Variants in DAB1 observed in about 807,000 individuals in gnomAD.
DAB1 encodes DAB adaptor protein 1, also known as disabled homolog 1.
A neutral mutation model predicts 64.6 loss-of-function variants in DAB1; 15 were observed. That is an observed-to-expected ratio of 0.23 (90% CI 0.16 to 0.36). DAB1 has a LOEUF of 0.36. Among genes scored for constraint, DAB1 ranks in the 10% least tolerant of loss-of-function variants. The probability of loss-of-function intolerance (pLI) is 1.00; values close to 1 mark genes in which losing one functional copy is unlikely to be tolerated. For missense variants in DAB1, 596 were observed against 706.7 expected (o/e 0.84, Z 1.78); for synonymous variants, 235 against 251.9 (o/e 0.93, Z 0.64).
intron 1 of DAB1, among the ~76,000 whole-genome samples, chr1:57,346,833 T>C (rs976972519): frequency 4.0e-4 from 61 of 152,206 alleles, no homozygotes; most frequent in African/African-American, 1.4e-3. Flanking sequence ...CATTACTCCA[T>C]ACTATCTGAA....
chr1:58,055,848 T>A (rs12040057), intron 5 of DAB1, among the ~76,000 whole-genome samples: 13,158 of 151,848 alleles, frequency 0.087, 813 homozygotes, highest in East Asian at 0.16. Context: ...GCCTCCCAAG[T>A]AACTGGAAAC....
chr1:57,735,492 T>A (rs1647640584), intron 6 of DAB1, among the ~76,000 whole-genome samples: 1 of 151,864 alleles, frequency 6.6e-6, no homozygotes, highest in Non-Finnish European at 1.5e-5. Context: ...GCAGCTAGGA[T>A]GAAAACCAAG....
At chr1:58,372,433 TTTTA>T (rs1644273294) in intron 3 of DAB1, among the ~76,000 whole-genome samples, 1 of 152,192 alleles carries the variant, frequency 6.6e-6, no homozygotes, top group Non-Finnish European at 1.5e-5. Flanking sequence ...TTGCTTTTGA[TTTTA>T]CAGGCTCAGA....
chr1:57,559,242 T>A (rs2204378), intron 7 of DAB1, among the ~76,000 whole-genome samples: 133,397 of 152,166 alleles, frequency 0.88, 60,109 homozygotes, highest in East Asian at 1. Flanking sequence ...TCTACTTAAT[T>A]TATATAAGCA....
intron 6 of DAB1, among the ~76,000 whole-genome samples, chr1:57,654,545 C>T (rs1338249772): frequency 6.6e-6 from 1 of 152,158 alleles, no homozygotes; most frequent in Non-Finnish European, 1.5e-5. Flanking sequence ...AATACCAACT[C>T]TTATGTGGGT....
chr1:57,175,908 T>C (rs1662265707), intron 2 of DAB1, among the ~76,000 whole-genome samples: 2 of 152,166 alleles, frequency 1.3e-5, no homozygotes, highest in East Asian at 1.9e-4. Flanking sequence ...TCCCGTTTGA[T>C]TTTTTCTCTC....
intron 4 of DAB1, among the ~76,000 whole-genome samples, chr1:58,316,537 G>T (rs1662562181): frequency 2.6e-5 from 4 of 152,116 alleles, no homozygotes; most frequent in Admixed American, 2.6e-4. Flanking sequence ...GGGCAGGCAA[G>T]ACCACCAGGA....
At chr1:57,818,611 T>C (rs143005210) in intron 6 of DAB1, among the ~76,000 whole-genome samples, 6 of 152,180 alleles carry the variant, frequency 3.9e-5, no homozygotes, top group African/African-American at 1.2e-4. Flanking sequence ...ATTTAATGCT[T>C]GTGAAACCCT....
At chr1:57,497,753 G>A (rs1017300636) in intron 7 of DAB1, among the ~76,000 whole-genome samples, 1 of 152,198 alleles carries the variant, frequency 6.6e-6, no homozygotes, top group Non-Finnish European at 1.5e-5. Context: ...TCATATGGAT[G>A]GAGGAATAGA....
rs532178716 is a variant in DAB1 at position 57,844,266 on chromosome 1, T to C, written n.88-17811A>G. On this transcript the variant is annotated intron_variant and non_coding_transcript_variant, in intron 1 of 1. Transcript: ENST00000477280. Reference sequence around the variant, plus strand: ...TGTATCTGTTTCCCTTAGTATATTATGATGGGTTGCAGGACAGCAGCCCTG... The same window carrying C: ...TGTATCTGTTTCCCTTAGTATATTACGATGGGTTGCAGGACAGCAGCCCTG... Among the ~76,000 whole-genome samples the C allele has an allele frequency of 2.6e-5, 4 of 152,360 alleles. No homozygotes were observed. In the South Asian group the frequency reaches 8.3e-4, roughly 32 times the overall value.
chr1:57,802,363 G>A (rs1205153527), intron 6 of DAB1, among the ~76,000 whole-genome samples: 1 of 152,130 alleles, frequency 6.6e-6, no homozygotes, highest in Non-Finnish European at 1.5e-5. Flanking sequence ...TGAGTTCTCT[G>A]GAGGAAGATG....
rs573191411 is a variant in DAB1, at chr1:57,040,328, G to GTGC, written c.724-14288_724-14286dup. 1.2e-3 allele frequency among the ~76,000 whole-genome samples: 178 copies of GTGC among 152,256 alleles called. 2 individuals carry two copies. In the South Asian group the frequency reaches 0.035, roughly 30 times the overall value. Reference sequence around the variant, plus strand: ...CAGAGATGATGATATAGCGCTCTCTGTGCTGTGTCATCATCATGATAGCCA... The same window carrying GTGC: ...CAGAGATGATGATATAGCGCTCTCTGTGCTGCTGTGTCATCATCATGATAGCCA... On this transcript the variant is annotated intron_variant, in intron 9 of 14. Transcript: ENST00000371236.
chr1:57,056,779 G>A (rs1391826000), intron 9 of DAB1, among the ~76,000 whole-genome samples: 3 of 151,950 alleles, frequency 2.0e-5, no homozygotes, highest in South Asian at 2.1e-4. Context: ...TGGGAGAATC[G>A]CTTGAACCCA....
chr1:58,518,102 CT>C (rs1365246776), intron 2 of DAB1, among the ~76,000 whole-genome samples: 2 of 150,364 alleles, frequency 1.3e-5, no homozygotes, highest in Non-Finnish European at 3.0e-5. Context: ...AGGAGAATCG[CT>C]TGAACACAGG....
chr1:57,340,136 G>A (rs1677452958), intron 1 of DAB1, among the ~76,000 whole-genome samples: 1 of 152,122 alleles, frequency 6.6e-6, no homozygotes, highest in Non-Finnish European at 1.5e-5. Context: ...CATTACGGCA[G>A]GCTTACCCTC....
chr1:58,488,826 T>C (rs1024090445), intron 3 of DAB1, among the ~76,000 whole-genome samples: 1 of 152,276 alleles, frequency 6.6e-6, no homozygotes, highest in Non-Finnish European at 1.5e-5. Context: ...ATACGTCTTA[T>C]GCCTTTGCAT....
At chr1:58,511,687 C>T (rs1329543529) in intron 2 of DAB1, among the ~76,000 whole-genome samples, 1 of 151,980 alleles carries the variant, frequency 6.6e-6, no homozygotes, top group Non-Finnish European at 1.5e-5. Context: ...GTCTCTTCAA[C>T]AAATGGTGCT....
intron 9 of DAB1, among the ~76,000 whole-genome samples, chr1:57,029,410 T>C (rs561633920): frequency 6.6e-6 from 1 of 152,142 alleles, no homozygotes; most frequent in East Asian, 1.9e-4. Context: ...GGAAGGGAAA[T>C]GTGTGGTCAG....
intron 5 of DAB1, among the ~76,000 whole-genome samples, chr1:58,009,071 A>G (rs1570218256): frequency 6.6e-6 from 1 of 152,188 alleles, no homozygotes; most frequent in Admixed American, 6.5e-5. Context: ...ATGTGCATAC[A>G]CACCTACTAA....
Sources: allele counts gnomAD v4.1 joint callset (sites outside exome capture counted in the v4.1 genomes callset), GRCh38; gene constraint gnomAD v4.1.1; transcripts MANE v1.5; gene names NCBI Gene and HGNC (gene_info 2026-07-23, HGNC 2026-07-21).